DRD4: variants seen among roughly 807,000 people sequenced by gnomAD.
DRD4 encodes the protein dopamine receptor D4.
DRD4 carries 26 observed loss-of-function variants against 22.1 expected under a neutral mutation model. The observed-to-expected ratio is 1.17, with a 90% CI of 0.86 to 1.63. DRD4 has a LOEUF of 1.63. Among genes scored for constraint, DRD4 ranks in the 40% most tolerant of loss-of-function variants. The pLI is 0.00. For missense variants in DRD4, 913 were observed against 632.4 expected (o/e 1.44, Z -4.76); for synonymous variants, 455 against 306.7 (o/e 1.48, Z -5.05).
chr11:637,420 T>TG lies in DRD4; in HGVS notation c.122dup (p.Val42ArgfsTer408). On this transcript the variant is annotated frameshift_variant, in exon 1 of 4. Coordinates refer to ENST00000176183, the MANE Select transcript of DRD4 (RefSeq NM_000797.4). LOFTEE classifies it high-confidence loss of function. ...GCTGGGCAGGGCGCGGCGGCGCTGG[T>TG]GGGGGGCGTGCTGCTCATCGGCGCG... 5 of 1,521,696 alleles carry TG rather than the reference T, an allele frequency of 3.3e-6. No homozygotes were observed. Among genetic ancestry groups the TG allele is most frequent in the East Asian group, 2.5e-5 (1 of 39,730 alleles). The allele number at this position is 1,521,696 out of a possible 1,614,324, so 94.3% of individuals were successfully genotyped here. A position where few individuals can be genotyped will look rare whatever the true frequency, so the allele number is the denominator to read the frequency against.
Position 639,767 on chromosome 11 carries a change from G to A in DRD4, c.518G>A (p.Gly173Asp). ...GCGGTGGCGGCGCCCGTACTGTGCG[G>A]CCTCAACGACGTGCGCGGCCGCGAC... ...SAAVAAPVLC[G>D]LNDVRGRDPA... is the part of the protein sequence containing the mutation. Residue 173 changes from glycine to aspartate, a missense_variant, in exon 3 of 4, where the codon GGC becomes GAC. Coordinates refer to ENST00000176183, the MANE Select transcript of DRD4 (RefSeq NM_000797.4). The A allele has an allele frequency of 6.4e-7, 1 of 1,574,616 alleles. No homozygotes were observed. Among genetic ancestry groups the A allele is most frequent in the Non-Finnish European group, 8.6e-7 (1 of 1,169,446 alleles).
Position 637,286 on chromosome 11 carries a change from GCGCCCGC to G in DRD4, c.-17_-11del. On this transcript the variant is annotated 5_prime_UTR_variant, in exon 1 of 4. Coordinates refer to ENST00000176183, the MANE Select transcript of DRD4 (RefSeq NM_000797.4). ...GACCCGGCGTTGTCCGCGGTGCTCA[GCGCCCGC>G]CCGGGCGCGCCATGGGGAACCGCAG... The G allele has an allele frequency of 1.7e-6, 2 of 1,188,758 alleles. No individual in the cohort carries two copies. Among genetic ancestry groups the G allele is most frequent in the Non-Finnish European group, 2.1e-6 (2 of 960,706 alleles). 73.6% of individuals were successfully genotyped at this position (1,188,758 alleles called of 1,614,324 possible).
rs1858210959 is a variant in DRD4 at position 640,422 on chromosome 11, C to T, written c.1079C>T (p.Thr360Met). The T allele has an allele frequency of 1.9e-6, 3 of 1,600,408 alleles. No individual in the cohort carries two copies. The highest frequency in any genetic ancestry group is 2.5e-6 in the Non-Finnish European group (3 of 1,179,706). Reference sequence around the variant, plus strand: ...CCAGGGGCCTTCCTGCTGTGCTGGACGCCCTTCTTCGTGGTGCACATCACG... The same window carrying T: ...CCAGGGGCCTTCCTGCTGTGCTGGATGCCCTTCTTCGTGGTGCACATCACG... ...VVVGAFLLCW[T>M]PFFVVHITQA... The change falls in exon 4 of 4, where the codon ACG becomes ATG. Residue 360 changes from threonine (T) to methionine (M), a missense_variant. Thr to Met is a moderately conservative substitution (Grantham distance 81). Transcript: ENST00000176183.
rs375367029 is a variant in DRD4 at position 640,703 on chromosome 11, C to T, written c.*100C>T. 6 of 1,418,320 alleles carry T rather than the reference C, an allele frequency of 4.2e-6. No individual in the cohort carries two copies. The highest frequency in any genetic ancestry group is 1.8e-4 in the Middle Eastern group (1 of 5,496). 87.9% of individuals were successfully genotyped at this position (1,418,320 alleles called of 1,614,324 possible). A position where few individuals can be genotyped will look rare whatever the true frequency, so the allele number is the denominator to read the frequency against. On this transcript the variant is annotated 3_prime_UTR_variant, in exon 4 of 4. Coordinates refer to ENST00000176183, the MANE Select transcript of DRD4 (RefSeq NM_000797.4). ...TACGTTAATTAAACAAATTCCTTCC[C>T]AAACTCAGCTGTGAAGGCTCCTGGG...
At chr11:639,172 T>A (rs1033841120) in intron 1 of DRD4, 7 of 511,704 alleles carry the variant, frequency 1.4e-5, no homozygotes, top group Admixed American at 3.3e-5. Flanking sequence ...GGAGGATCGC[T>A]TGAGCTCAGG....
chr11:637,905 C>T (rs1042807587), intron 1 of DRD4, among the ~76,000 whole-genome samples: 11 of 152,334 alleles, frequency 7.2e-5, no homozygotes, highest in South Asian at 2.1e-4. Context: ...AAGCCCAGTC[C>T]CCTCCGTAGC....
At position 639,971 on chromosome 11, in the gene DRD4, C is replaced by G. The variant is rs759558358; in HGVS notation, c.722C>G (p.Pro241Arg). The change falls in exon 3 of 4, where the codon CCT (proline) becomes CGT (arginine). Residue 241 changes from proline (P) to arginine (R), a missense_variant. By Grantham distance (103) the Pro-to-Arg change is moderately radical (BLOSUM62 -2). Coordinates refer to ENST00000176183, the MANE Select transcript of DRD4 (RefSeq NM_000797.4). ...HGRAPRRPSG[P>R]GPPSPTPPAP... The stretch of plus-strand genomic sequence containing the variant: ...CGCGCGCCCCGCCGACCCAGCGGCC[C>G]TGGCCCGCCTTCCCCCACGCCACCC... The G allele has an allele frequency of 1.4e-6, 2 of 1,405,758 alleles. No homozygotes were observed. The highest frequency in any genetic ancestry group is 1.8e-6 in the Non-Finnish European group (2 of 1,086,146). 87.1% of individuals were successfully genotyped at this position (1,405,758 alleles called of 1,614,324 possible). A position where few individuals can be genotyped will look rare whatever the true frequency, so the allele number is the denominator to read the frequency against.
Position 637,464 on chromosome 11 carries a change from CTCGT to C in DRD4, c.161_164del (p.Leu54ArgfsTer3). ...CGGCGCGGTGCTCGCGGGGAACTCG[CTCGT>C]GTGCGTGAGCGTGGCCACCGAGCGC... On this transcript the variant is annotated frameshift_variant, in exon 1 of 4. Coordinates refer to ENST00000176183, the MANE Select transcript of DRD4 (RefSeq NM_000797.4). LOFTEE classifies it high-confidence loss of function. The C allele has an allele frequency of 6.5e-7, 1 of 1,537,138 alleles. No individual in the cohort carries two copies. The highest frequency in any genetic ancestry group is 8.7e-7 in the Non-Finnish European group (1 of 1,147,286).
rs984062796 is a variant in DRD4 at position 640,169 on chromosome 11, G to T, written c.920G>T (p.Gly307Val). The T allele has an allele frequency of 2.0e-6, 3 of 1,526,384 alleles. No homozygotes were observed. The highest frequency in any genetic ancestry group is 2.6e-6 in the Non-Finnish European group (3 of 1,142,404). 94.6% of individuals were successfully genotyped at this position (1,526,384 alleles called of 1,614,324 possible). ...PAPGLPPDPC[G>V]SNCAPPDAVR... ...CCCGGCCTCCCCCCGGACCCCTGCGGCTCCAACTGTGCTCCCCCCGACGCC... is the reference window on the plus strand; with the variant it reads ...CCCGGCCTCCCCCCGGACCCCTGCGTCTCCAACTGTGCTCCCCCCGACGCC... The change falls in exon 3 of 4, where the codon GGC becomes GTC. Residue 307 changes from glycine (G) to valine (V), a missense_variant. By Grantham distance (109) the Gly-to-Val change is moderately radical (BLOSUM62 -3). Transcript: ENST00000176183.
At chr11:639,116 G>T in intron 1 of DRD4, 1 of 388,158 alleles carries the variant, frequency 2.6e-6, no homozygotes, top group Non-Finnish European at 4.8e-6. Context: ...TCAGCCGGGG[G>T]TGGTGGCGCG....
rs777940742 is a variant in DRD4, at chr11:640,627, C to G, written c.*24C>G. 4.4e-6 allele frequency: 7 copies of G among 1,598,580 alleles called. 1 individual carries two copies. The highest frequency in any genetic ancestry group is 3.3e-4 in the Middle Eastern group (2 of 6,060). ...GAGCCGGGCACCCCCGGACGCCCCC[C>G]GGCCTGATGGCCAGGCCTCAGGGAC... On this transcript the variant is annotated 3_prime_UTR_variant, in exon 4 of 4. Coordinates refer to ENST00000176183, the MANE Select transcript of DRD4 (RefSeq NM_000797.4).
In DRD4 at chr11:640,584, C is replaced by A; in HGVS notation, c.1241C>A (p.Ala414Asp). 6.3e-7 allele frequency: 1 copy of A among 1,599,778 alleles called. No homozygotes were observed. Among genetic ancestry groups the A allele is most frequent in the East Asian group, 2.2e-5 (1 of 44,878 alleles). ...NAEFRNVFRK[A>D]LRACC ...GAGTTCCGCAACGTCTTCCGCAAGGCCCTGCGTGCCTGCTGCTGAGCCGGG... is the reference window on the plus strand; with the variant it reads ...GAGTTCCGCAACGTCTTCCGCAAGGACCTGCGTGCCTGCTGCTGAGCCGGG... The change falls in exon 4 of 4, where the codon GCC becomes GAC. Residue 414 changes from alanine to aspartate, a missense_variant. Ala to Asp is a moderately radical substitution (Grantham distance 126). Coordinates refer to ENST00000176183, the MANE Select transcript of DRD4 (RefSeq NM_000797.4).
chr11:640,012 C>A lies in DRD4; in HGVS notation c.763C>A (p.Gln255Lys). 4 of 1,262,312 alleles carry A rather than the reference C, an allele frequency of 3.2e-6. No individual in the cohort carries two copies. In the South Asian group the frequency reaches 1.0e-4, roughly 31 times the overall value. The allele number at this position is 1,262,312 out of a possible 1,614,324, so 78.2% of individuals were successfully genotyped here. The change falls in exon 3 of 4, where the codon CAG becomes AAG. Residue 255 changes from glutamine to lysine, a missense_variant. Physicochemically the swap from Gln to Lys is moderately conservative, Grantham distance 53. Transcript: ENST00000176183. ...CACGCCACCCGCGCCCCGCCTCCCCCAGGACCCCTGCGGCCCCGACTGTGC... is the reference window on the plus strand; with the variant it reads ...CACGCCACCCGCGCCCCGCCTCCCCAAGGACCCCTGCGGCCCCGACTGTGC... ...SPTPPAPRLP[Q>K]DPCGPDCAPP...
In DRD4 at chr11:639,555, C is replaced by A. The variant is rs758523437; in HGVS notation, c.398+10C>A. On this transcript the variant is annotated intron_variant, in intron 2 of 3. Transcript: ENST00000176183. ...CCATCAGCGTGGACAGGTGCGCCGC[C>A]CTCCCCGCCCGCGCCCCGGCGCCCC... is the stretch of plus-strand genomic sequence containing the variant. The A allele has an allele frequency of 2.0e-6, 3 of 1,466,914 alleles. No homozygotes were observed. The highest frequency in any genetic ancestry group is 2.7e-6 in the Non-Finnish European group (3 of 1,111,228). The allele number at this position is 1,466,914 out of a possible 1,614,324, so 90.9% of individuals were successfully genotyped here.
In DRD4 at chr11:639,668, C is replaced by G. The variant is rs765419488; in HGVS notation, c.419C>G (p.Pro140Arg). Residue 140 changes from proline (P) to arginine (R), a missense_variant, in exon 3 of 4, where the codon CCG (proline) becomes CGG (arginine). By Grantham distance (103) the Pro-to-Arg change is moderately radical. Transcript: ENST00000176183. ...CGCAGGTTCGTGGCCGTGGCCGTGCCGCTGCGCTACAACCGGCAGGGTGGG... is the reference window on the plus strand; with the variant it reads ...CGCAGGTTCGTGGCCGTGGCCGTGCGGCTGCGCTACAACCGGCAGGGTGGG... ...SVDRFVAVAVPLRYNRQGGSR... is the reference protein window; with the variant it reads ...SVDRFVAVAVRLRYNRQGGSR... 57 of 1,466,652 alleles carry G rather than the reference C, an allele frequency of 3.9e-5. No homozygotes were observed. The highest frequency in any genetic ancestry group is 5.0e-5 in the Non-Finnish European group (56 of 1,113,920). The allele number at this position is 1,466,652 out of a possible 1,614,324, so 90.9% of individuals were successfully genotyped here.
rs555127514 is a variant in DRD4, at chr11:637,666, G to A, written c.285+77G>A. 6.9e-4 allele frequency: 1,051 copies of A among 1,532,480 alleles called. 8 individuals are homozygous for A. The African/African-American group carries it at 0.012, about 18-fold the overall frequency. 94.9% of individuals were successfully genotyped at this position (1,532,480 alleles called of 1,614,324 possible). On this transcript the variant is annotated intron_variant, in intron 1 of 3. Coordinates refer to ENST00000176183, the MANE Select transcript of DRD4 (RefSeq NM_000797.4). The stretch of plus-strand genomic sequence containing the variant: ...TCCCTGTCCCTACGGAGGACCCGGC[G>A]CGACCCGGCCCCTTTCTGGTGCGGA...
intron 1 of DRD4, 35 bp downstream of exon 1, chr11:637,624 T>G (rs1858094009): frequency 6.5e-7 from 1 of 1,537,966 alleles, no homozygotes; most frequent in Non-Finnish European, 8.7e-7. Context: ...CATCCTCACC[T>G]GCTCCTCGGT....
intron 1 of DRD4, among the ~76,000 whole-genome samples, chr11:638,044 G>C (rs988731782): frequency 8.5e-5 from 13 of 152,168 alleles, no homozygotes; most frequent in Non-Finnish European, 1.5e-4. Context: ...TAGTGCAGAT[G>C]CTGGCACACC....
In DRD4 at chr11:639,588, C is replaced by T. The variant is rs966997431; in HGVS notation, c.398+43C>T. On this transcript the variant is annotated intron_variant, in intron 2 of 3. Coordinates refer to ENST00000176183, the MANE Select transcript of DRD4 (RefSeq NM_000797.4). ...CCCGCGCCCCGGCGCCCCCGCGCCC[C>T]GCCCGCCGCCCTCACCGCGGCCTGT... is the stretch of plus-strand genomic sequence containing the variant. 46 of 1,290,634 alleles carry T rather than the reference C, an allele frequency of 3.6e-5. 1 individual carries two copies. The highest frequency in any genetic ancestry group is 4.2e-5 in the Admixed American group (1 of 23,580). 79.9% of individuals were successfully genotyped at this position (1,290,634 alleles called of 1,614,324 possible).
Sources: allele counts gnomAD v4.1 joint callset (sites outside exome capture counted in the v4.1 genomes callset), GRCh38; gene constraint gnomAD v4.1.1; transcripts MANE v1.5; gene names NCBI Gene and HGNC (gene_info 2026-07-23, HGNC 2026-07-21).